Variants in MYO1D observed in about 807,000 individuals in gnomAD.
MYO1D encodes unconventional myosin-Id.
MYO1D carries 83 observed loss-of-function variants against 122.0 expected under a neutral mutation model. The observed-to-expected ratio is 0.68, with a 90% CI of 0.57 to 0.82. The LOEUF is 0.82. MYO1D is among the 40% of genes least tolerant of loss of function. The pLI, the probability that MYO1D is intolerant of heterozygous loss-of-function variation, is 0.00. For missense variants in MYO1D, 1,157 were observed against 1,269.5 expected (o/e 0.91, Z 1.35); for synonymous variants, 464 against 446.9 (o/e 1.04, Z -0.48).
chr17:32,721,788 C>T lies in MYO1D; in HGVS notation c.1747-599G>A, dbSNP rs150444817. Among the ~76,000 whole-genome samples, 6 of 152,306 alleles carry T rather than the reference C, an allele frequency of 3.9e-5. No homozygotes were observed. The East Asian group carries it at 9.6e-4, about 24-fold the overall frequency. ...TCTATGAAGGAGCTCAGCTAGCAAT[C>T]CTTCCCTCTGTGCCAATTAAGTTTT... On this transcript the variant is annotated intron_variant, in intron 14 of 21. Transcript: ENST00000318217.
intron 1 of MYO1D, among the ~76,000 whole-genome samples, chr17:32,799,795 C>A (rs2090445837): frequency 6.6e-6 from 1 of 152,108 alleles, no homozygotes; most frequent in South Asian, 2.1e-4. Flanking sequence ...ACAAATTGTA[C>A]TTTGGAAAGG....
At chr17:32,842,044 C>T (rs1192738984) in intron 1 of MYO1D, among the ~76,000 whole-genome samples, 3 of 152,154 alleles carry the variant, frequency 2.0e-5, no homozygotes, top group Non-Finnish European at 4.4e-5. Context: ...TTTATTTGTA[C>T]CCATCTGTGC....
intron 16 of MYO1D, among the ~76,000 whole-genome samples, chr17:32,675,503 T>G (rs1187562477): frequency 6.6e-6 from 1 of 152,164 alleles, no homozygotes; most frequent in Non-Finnish European, 1.5e-5. Context: ...TTAATTGAGT[T>G]ATATAATAAC....
At chr17:32,756,346 A>C (rs1451488640) in intron 10 of MYO1D, 1 of 217,686 alleles carries the variant, frequency 4.6e-6, no homozygotes, top group Non-Finnish European at 9.2e-6. Context: ...CAGAATATAT[A>C]TACTAAAAAA....
chr17:32,767,172 T>C (rs970388618), intron 7 of MYO1D, among the ~76,000 whole-genome samples: 1 of 152,218 alleles, frequency 6.6e-6, no homozygotes, highest in African/African-American at 2.4e-5. Context: ...GGGAAACAAG[T>C]GGCCCAAAAG....
rs9913905 is a variant in MYO1D at position 32,570,370 on chromosome 17, A to T, written c.2864+34717T>A. 1.5e-4 allele frequency among the ~76,000 whole-genome samples: 22 copies of T among 151,280 alleles called. No homozygotes were observed. In the South Asian group the frequency reaches 2.1e-3, roughly 15 times the overall value. ...AAGCCAAGGTTACCACATTAAAAAA[A>T]ATTTTTTTTTTTGAGACAGAGTCTC... On this transcript the variant is annotated intron_variant, in intron 21 of 21. Coordinates refer to ENST00000318217, the MANE Select transcript of MYO1D (RefSeq NM_015194.3).
intron 10 of MYO1D, among the ~76,000 whole-genome samples, chr17:32,757,351 T>C (rs2089959118): frequency 6.6e-6 from 1 of 152,126 alleles, no homozygotes; most frequent in Non-Finnish European, 1.5e-5. Flanking sequence ...GAGACATTTC[T>C]AGTCAAAATG....
chr17:32,526,072 C>A (rs144932180), intron 21 of MYO1D, among the ~76,000 whole-genome samples: 2 of 152,212 alleles, frequency 1.3e-5, no homozygotes, highest in Non-Finnish European at 2.9e-5. Context: ...CTTTTAGGAG[C>A]CTTTCCGATC....
chr17:32,831,664 C>G (rs920235657), intron 1 of MYO1D, among the ~76,000 whole-genome samples: 1 of 152,162 alleles, frequency 6.6e-6, no homozygotes, highest in Admixed American at 6.5e-5. Context: ...AAAGTAATAA[C>G]CAGAATTGTG....
intron 16 of MYO1D, among the ~76,000 whole-genome samples, chr17:32,670,227 T>C (rs1005574533): frequency 1.1e-4 from 16 of 152,306 alleles, no homozygotes; most frequent in Admixed American, 5.9e-4. Context: ...AGTAAACTCA[T>C]AGAAAATATC....
intron 16 of MYO1D, among the ~76,000 whole-genome samples, chr17:32,698,961 A>C: frequency 6.6e-6 from 1 of 152,112 alleles, no homozygotes; most frequent in Non-Finnish European, 1.5e-5. Flanking sequence ...AGCCACATTT[A>C]TTTTATTTTA....
chr17:32,801,759 C>T (rs2090463234), intron 1 of MYO1D, among the ~76,000 whole-genome samples: 1 of 152,174 alleles, frequency 6.6e-6, no homozygotes, highest in African/African-American at 2.4e-5. Context: ...AGCAATGACA[C>T]ACCAATGGCA....
intron 20 of MYO1D, among the ~76,000 whole-genome samples, chr17:32,620,231 G>A (rs1016415511): frequency 6.6e-6 from 1 of 152,118 alleles, no homozygotes; most frequent in African/African-American, 2.4e-5. Flanking sequence ...GCTCCCCACT[G>A]AGCCTCCTTG....
Position 32,659,163 on chromosome 17 carries a change from G to A in MYO1D, c.2297C>T (p.Pro766Leu). ...YGKHVKWPSP[P>L]KVLRRFEEAL... ...CTCCTCAAAACGGCGAAGAACTTTAGGAGGGCTTGGCCACTTCACGTGCTT... is the reference window on the plus strand; with the variant it reads ...CTCCTCAAAACGGCGAAGAACTTTAAGAGGGCTTGGCCACTTCACGTGCTT... Residue 766 changes from proline (P) to leucine (L), a missense_variant, in exon 17 of 22, where the codon CCT becomes CTT. By Grantham distance (98) the Pro-to-Leu change is moderately conservative (BLOSUM62 -3). Transcript: ENST00000318217. 6.2e-7 allele frequency: 1 copy of A among 1,614,210 alleles called. No homozygotes were observed. Among genetic ancestry groups the A allele is most frequent in the Non-Finnish European group, 8.5e-7 (1 of 1,180,036 alleles).
chr17:32,860,442 G>C (rs2091060359), intron 1 of MYO1D, among the ~76,000 whole-genome samples: 1 of 152,138 alleles, frequency 6.6e-6, no homozygotes, highest in African/African-American at 2.4e-5. Context: ...CTCTGACATA[G>C]CCCAAGTCAA....
At chr17:32,531,302 G>A (rs928990031) in intron 21 of MYO1D, 2 of 152,110 alleles carry the variant, frequency 1.3e-5, no homozygotes, top group Non-Finnish European at 2.9e-5. Context: ...GCCTACTGTC[G>A]GAAAAAATGA....
chr17:32,627,925 C>T (rs1370869377), intron 20 of MYO1D: 2 of 152,094 alleles, frequency 1.3e-5, no homozygotes, highest in Non-Finnish European at 1.5e-5. Flanking sequence ...GACTAATGTC[C>T]ACATGAACTC....
chr17:32,656,149 G>A (rs1470977232), intron 17 of MYO1D, among the ~76,000 whole-genome samples: 5 of 152,150 alleles, frequency 3.3e-5, no homozygotes, highest in Admixed American at 6.5e-5. Flanking sequence ...CTTGAAGTAC[G>A]GAGGTTGGAA....
intron 21 of MYO1D, 84 bp downstream of exon 21, chr17:32,605,003 T>G (rs1027880444): frequency 1.5e-6 from 2 of 1,314,578 alleles, no homozygotes; most frequent in Non-Finnish European, 1.0e-6. Flanking sequence ...ACATTAAAAT[T>G]GGCACAAAAC....
Sources: gnomAD v4.1 joint callset for allele counts (sites outside exome capture counted in the v4.1 genomes callset) on GRCh38, gnomAD v4.1.1 for gene constraint, MANE v1.5 for transcripts, NCBI Gene and HGNC (gene_info 2026-07-23, HGNC 2026-07-21) for gene names.